Variants in CUX2 observed in about 807,000 individuals in gnomAD.
The protein encoded by CUX2 is homeobox protein cut-like 2.
Under a neutral mutation model 144.8 loss-of-function variants are expected in CUX2, and 40 were observed. The observed-to-expected ratio is 0.28, with a 90% CI of 0.21 to 0.36. The LOEUF (loss-of-function observed/expected upper bound fraction) is 0.36. Among genes scored for constraint, CUX2 ranks in the 10% least tolerant of loss-of-function variants. The pLI, the probability that CUX2 is intolerant of heterozygous loss-of-function variation, is 1.00. For missense variants in CUX2, 1,615 were observed against 1,994.0 expected, an observed-to-expected ratio of 0.81 and a Z score of 3.62; for synonymous variants, 827 against 875.6, an observed-to-expected ratio of 0.94 and a Z score of 0.98.
At chr12:111,339,168 G>T (rs1458287191) in intron 20 of CUX2, among the ~76,000 whole-genome samples, 1 of 151,530 alleles carries the variant, frequency 6.6e-6, no homozygotes, top group Non-Finnish European at 1.5e-5. Flanking sequence ...GGAGGTGGAG[G>T]TTGCGGTGAG....
intron 4 of CUX2, among the ~76,000 whole-genome samples, chr12:111,270,921 G>T (rs1338996266): frequency 6.6e-6 from 1 of 152,166 alleles, no homozygotes; most frequent in Non-Finnish European, 1.5e-5. Context: ...TGTGACCTTG[G>T]CCAGGGGCTT....
intron 1 of CUX2, among the ~76,000 whole-genome samples, chr12:111,209,451 C>T (rs567423913): frequency 2.0e-5 from 3 of 152,234 alleles, no homozygotes; most frequent in Non-Finnish European, 2.9e-5. Flanking sequence ...TAAAGTGATC[C>T]ATATCTCAAA....
intron 1 of CUX2, among the ~76,000 whole-genome samples, chr12:111,189,523 G>C (rs13328972): frequency 0.02 from 2,974 of 152,326 alleles, 94 homozygotes; most frequent in African/African-American, 0.067. Context: ...TGTGGTAGTT[G>C]ATTCATGCTC....
At chr12:111,239,962 T>C (rs1882941975) in intron 3 of CUX2, among the ~76,000 whole-genome samples, 1 of 152,176 alleles carries the variant, frequency 6.6e-6, no homozygotes, top group African/African-American at 2.4e-5. Flanking sequence ...GTGAAAACTT[T>C]GGGGTGCAAG....
In CUX2 at chr12:111,077,578, G is replaced by A. The variant is rs1184860060; in HGVS notation, c.63+43338G>A. The stretch of plus-strand genomic sequence containing the variant: ...CGATGTCAGCAGCTCTCTTGATAAC[G>A]TATGAAAGAATCCTATTCTGTTGAT... On this transcript the variant is annotated intron_variant, in intron 1 of 21. Transcript: ENST00000261726. This position sits in a 1 kb window ranked among gnomAD's most constrained non-coding sequence, Gnocchi z 4.1. 2.6e-5 allele frequency among the ~76,000 whole-genome samples: 4 copies of A among 152,164 alleles called. No homozygotes were observed. Among genetic ancestry groups the A allele is most frequent in the East Asian group, 1.9e-4 (1 of 5,196 alleles).
intron 1 of CUX2, among the ~76,000 whole-genome samples, chr12:111,213,423 G>C (rs1338709745): frequency 6.6e-6 from 1 of 152,154 alleles, no homozygotes; most frequent in Non-Finnish European, 1.5e-5. Context: ...GTGAGCCGAA[G>C]CATCCCCCCT....
At chr12:111,071,659 T>C (rs1010931835) in intron 1 of CUX2, among the ~76,000 whole-genome samples, 2 of 152,212 alleles carry the variant, frequency 1.3e-5, no homozygotes, top group Non-Finnish European at 2.9e-5. Flanking sequence ...TGGTGTTGTA[T>C]CTAAAAAGTC....
chr12:111,158,807 C>G (rs1486842436), intron 1 of CUX2, among the ~76,000 whole-genome samples: 1 of 152,128 alleles, frequency 6.6e-6, no homozygotes, highest in African/African-American at 2.4e-5. Context: ...TTGGCCCGGT[C>G]AGCCCAGCTT....
intron 18 of CUX2, among the ~76,000 whole-genome samples, chr12:111,329,050 C>T (rs1887971382): frequency 7.3e-6 from 1 of 137,080 alleles, no homozygotes; most frequent in South Asian, 2.7e-4. Flanking sequence ...CTCTCACCAT[C>T]TCTCTCCCCC....
intron 1 of CUX2, among the ~76,000 whole-genome samples, chr12:111,053,675 T>C (rs959333985): frequency 6.6e-6 from 1 of 152,242 alleles, no homozygotes; most frequent in Admixed American, 6.5e-5. Flanking sequence ...GGGTTGGATG[T>C]CTTCTTTTAG....
At chr12:111,242,412 G>A (rs1258127870) in intron 3 of CUX2, among the ~76,000 whole-genome samples, 2 of 152,164 alleles carry the variant, frequency 1.3e-5, no homozygotes, top group Admixed American at 6.5e-5. Context: ...GCTTTCCCAC[G>A]ACAAGGGCAG....
In CUX2 at chr12:111,035,730, G is replaced by GCCCCACTCCTCGCTCT. The variant is rs1235508355; in HGVS notation, c.63+1495_63+1510dup. Among the ~76,000 whole-genome samples the GCCCCACTCCTCGCTCT allele has an allele frequency of 6.6e-6, 1 of 150,906 alleles. No individual in the cohort carries two copies. The highest frequency in any genetic ancestry group is 1.5e-5 in the Non-Finnish European group (1 of 67,880). ...CTTCCCAGTCCCCGTCCTTCCGAAC[G>GCCCCACTCCTCGCTCT]CCCCACTCCTCGCTCTCCCCCTCCC... On this transcript the variant is annotated intron_variant, in intron 1 of 21. Transcript: ENST00000261726. This position sits in a 1 kb window ranked among gnomAD's most constrained non-coding sequence, Gnocchi z 6.0.
intron 17 of CUX2, among the ~76,000 whole-genome samples, chr12:111,321,223 C>T (rs1328522158): frequency 1.3e-5 from 2 of 152,044 alleles, no homozygotes; most frequent in Non-Finnish European, 2.9e-5. Context: ...AATCCCAGCA[C>T]TTTGGGAGGC....
intron 1 of CUX2, among the ~76,000 whole-genome samples, chr12:111,115,109 A>G (rs1874208064): frequency 6.6e-6 from 1 of 152,110 alleles, no homozygotes; most frequent in South Asian, 2.1e-4. Flanking sequence ...TAAGTCTTCC[A>G]ACTTCATTCT....
intron 1 of CUX2, among the ~76,000 whole-genome samples, chr12:111,120,818 T>C (rs1338723689): frequency 6.6e-6 from 1 of 152,226 alleles, no homozygotes; most frequent in African/African-American, 2.4e-5. Flanking sequence ...GTGTTTGTGC[T>C]TCCTCGGAGA....
chr12:111,085,045 T>G (rs1872128917), intron 1 of CUX2, among the ~76,000 whole-genome samples: 1 of 152,142 alleles, frequency 6.6e-6, no homozygotes, highest in South Asian at 2.1e-4. Flanking sequence ...CAACACTCCC[T>G]GCCTCCGTGG....
At chr12:111,155,928 A>AT (rs1877341102) in intron 1 of CUX2, among the ~76,000 whole-genome samples, 2 of 151,726 alleles carry the variant, frequency 1.3e-5, no homozygotes, top group South Asian at 4.2e-4. Context: ...AAAAATAAAA[A>AT]AAAAAAATAA....
At chr12:111,335,909 A>AAT (rs1312692332) in intron 19 of CUX2, among the ~76,000 whole-genome samples, 6 of 151,632 alleles carry the variant, frequency 4.0e-5, no homozygotes, top group Middle Eastern at 3.4e-3. Flanking sequence ...TTGTCTCTAA[A>AAT]AAAGTTAAAT....
At chr12:111,118,831 T>A (rs757011896) in intron 1 of CUX2, among the ~76,000 whole-genome samples, 19 of 152,334 alleles carry the variant, frequency 1.2e-4, no homozygotes, top group Non-Finnish European at 2.5e-4. Context: ...CCAGAGATTC[T>A]GATTTAATTG....
Sources: allele counts gnomAD v4.1 joint callset (sites outside exome capture counted in the v4.1 genomes callset), GRCh38; gene constraint gnomAD v4.1.1; non-coding constraint Gnocchi (gnomAD v3.1); transcripts MANE v1.5; gene names NCBI Gene and HGNC (gene_info 2026-07-23, HGNC 2026-07-21).